WNK2: variants seen among roughly 807,000 people sequenced by gnomAD.
WNK2 encodes the protein serine/threonine-protein kinase WNK2.
In WNK2, 67 loss-of-function variants were observed where a neutral mutation model predicts 192.1. The ratio of observed to expected loss-of-function variants is 0.35; its 90% confidence interval spans 0.29 to 0.43. The LOEUF (loss-of-function observed/expected upper bound fraction) is 0.43. Ranked by LOEUF, WNK2 falls within the 20% of genes least tolerant of loss-of-function variation. The probability of loss-of-function intolerance (pLI) is 1.00; values close to 1 mark genes in which losing one functional copy is unlikely to be tolerated. For missense variants in WNK2, 2,698 were observed against 3,089.7 expected (o/e 0.87, Z 3.01); for synonymous variants, 1,439 against 1,393.9 (o/e 1.03, Z -0.72).
At chr9:93,185,772 G>C (rs1829193517) in intron 2 of WNK2, among the ~76,000 whole-genome samples, 162 bp downstream of exon 2, 1 of 152,232 alleles carries the variant, frequency 6.6e-6, no homozygotes, top group Non-Finnish European at 1.5e-5. Flanking sequence ...TGCATACCAG[G>C]TGTGCGGACG....
chr9:93,259,455 C>T lies in WNK2; in HGVS notation c.2907C>T (p.Pro969=), dbSNP rs375596960. ...CGCTGCCCCCTCAACCTGTGTTGCC[C>T]CCGCAACCCACACGGCCCCCTCAAC... ...QPTLPPQPVL[P]PQPTRPPQPV... Residue 969 remains proline (P), a synonymous_variant, in exon 12 of 30, where the codon CCC becomes CCT. Coordinates refer to ENST00000427277, the MANE Select transcript of WNK2 (RefSeq NM_006648.4). This position sits in a 1 kb window ranked among gnomAD's most constrained non-coding sequence, Gnocchi z 4.8. The T allele has an allele frequency of 2.5e-5, 36 of 1,456,994 alleles. No individual in the cohort carries two copies. Among genetic ancestry groups the T allele is most frequent in the Non-Finnish European group, 3.3e-5 (36 of 1,102,960 alleles). 90.3% of individuals were successfully genotyped at this position (1,456,994 alleles called of 1,614,324 possible). A position where few individuals can be genotyped will look rare whatever the true frequency, so the allele number is the denominator to read the frequency against.
chr9:93,310,501 G>A (rs573266976), intron 28 of WNK2, among the ~76,000 whole-genome samples: 10 of 151,930 alleles, frequency 6.6e-5, no homozygotes, highest in African/African-American at 7.2e-5. Flanking sequence ...ATTTTCAAGC[G>A]TACAGTTCAG....
chr9:93,258,113 C>A (rs1843610379), intron 11 of WNK2, among the ~76,000 whole-genome samples: 1 of 152,248 alleles, frequency 6.6e-6, no homozygotes, highest in African/African-American at 2.4e-5. Flanking sequence ...AAATCGTTAT[C>A]TTGCTCGTTC....
rs759673093 is a variant in WNK2 at position 93,257,149 on chromosome 9, G to A, written c.2382+10G>A. 1 of 1,601,796 alleles carries A rather than the reference G, an allele frequency of 6.2e-7. No individual in the cohort carries two copies. The highest frequency in any genetic ancestry group is 8.5e-7 in the Non-Finnish European group (1 of 1,177,530). Reference sequence around the variant, plus strand: ...TCAAGTCCCTCCGCAGGTAATTCTAGGTTGATGGCTGCCGTCAGTGGTGGC... The same window carrying A: ...TCAAGTCCCTCCGCAGGTAATTCTAAGTTGATGGCTGCCGTCAGTGGTGGC... On this transcript the variant is annotated intron_variant, in intron 11 of 29. Coordinates refer to ENST00000427277, the MANE Select transcript of WNK2 (RefSeq NM_006648.4). This position sits in a 1 kb window ranked among gnomAD's most constrained non-coding sequence, Gnocchi z 4.7.
chr9:93,240,163 T>A (rs549794763), intron 7 of WNK2, among the ~76,000 whole-genome samples, 187 bp downstream of exon 7: 5 of 151,844 alleles, frequency 3.3e-5, no homozygotes, highest in African/African-American at 1.2e-4. Flanking sequence ...CTGCCTAGGG[T>A]CTGCACAGGG....
At chr9:93,209,299 C>T (rs563123971) in intron 2 of WNK2, among the ~76,000 whole-genome samples, 48 of 152,262 alleles carry the variant, frequency 3.2e-4, no homozygotes, top group Non-Finnish European at 5.6e-4. Flanking sequence ...GGCGCAAGGC[C>T]GGGACATTCT....
intron 14 of WNK2, 56 bp from the exon 15 acceptor site, chr9:93,263,510 A>G (rs1044836886): frequency 2.4e-5 from 38 of 1,588,006 alleles, no homozygotes; most frequent in Non-Finnish European, 3.3e-5. Context: ...TTTCCCCGCC[A>G]TTGCCGACGT....
intron 2 of WNK2, among the ~76,000 whole-genome samples, chr9:93,208,322 A>G (rs1439293097): frequency 6.6e-6 from 1 of 152,238 alleles, no homozygotes; most frequent in East Asian, 1.9e-4. Context: ...CAATAGAGGT[A>G]ACACGTTTTT....
chr9:93,234,990 A>T, intron 5 of WNK2, 25 bp downstream of exon 5: 2 of 1,613,430 alleles, frequency 1.2e-6, no homozygotes, highest in Admixed American at 1.7e-5. Flanking sequence ...CCCCTTGGTT[A>T]ATTAATAAGG....
At position 93,292,738 on chromosome 9, in the gene WNK2, C is replaced by A; in HGVS notation, c.5273C>A (p.Thr1758Asn). ...FSVVSTQDEWTLASPHSLRYS... is the reference protein window; with the variant it reads ...FSVVSTQDEWNLASPHSLRYS... Reference sequence around the variant, plus strand: ...GTGGTCAGCACTCAGGACGAGTGGACCCTGGCCTCCCCCCACAGCCTGAGA... The same window carrying A: ...GTGGTCAGCACTCAGGACGAGTGGAACCTGGCCTCCCCCCACAGCCTGAGA... The change falls in exon 23 of 30, where the codon ACC (threonine) becomes AAC (asparagine). Residue 1758 changes from threonine (T) to asparagine (N), a missense_variant. By Grantham distance (65) the Thr-to-Asn change is moderately conservative (BLOSUM62 0). Transcript: ENST00000427277. The A allele has an allele frequency of 6.4e-7, 1 of 1,562,542 alleles. No individual in the cohort carries two copies. Among genetic ancestry groups the A allele is most frequent in the Non-Finnish European group, 8.7e-7 (1 of 1,154,522 alleles).
rs762615300 is a variant in WNK2, at chr9:93,292,779, G to C, written c.5314G>C (p.Asp1772His). 1 of 1,557,902 alleles carries C rather than the reference G, an allele frequency of 6.4e-7. No individual in the cohort carries two copies. The highest frequency in any genetic ancestry group is 1.7e-4 in the Middle Eastern group (1 of 5,952). ...PHSLRYSAPPDVYLDEAPSSP... is the reference protein window; with the variant it reads ...PHSLRYSAPPHVYLDEAPSSP... ...CAGCCTGAGATACTCTGCCCCACCCGACGTCTACCTGGACGAGGCCCCCTC... is the reference window on the plus strand; with the variant it reads ...CAGCCTGAGATACTCTGCCCCACCCCACGTCTACCTGGACGAGGCCCCCTC... The change falls in exon 23 of 30, where the codon GAC becomes CAC. Residue 1772 changes from aspartate to histidine, a missense_variant. Around this residue, in one of 7 missense-constraint regions of WNK2, gnomAD observed 1,098 missense variants for 1,101.0 expected, o/e 1.00. Coordinates refer to ENST00000427277, the MANE Select transcript of WNK2 (RefSeq NM_006648.4).
intron 21 of WNK2, among the ~76,000 whole-genome samples, chr9:93,290,558 G>A (rs141580841): frequency 6.6e-6 from 1 of 152,216 alleles, no homozygotes; most frequent in South Asian, 2.1e-4. Context: ...GTGGGTGCTG[G>A]GATGTTGCAG....
chr9:93,268,886 A>G (rs1326729535), intron 19 of WNK2, 140 bp downstream of exon 19: 9 of 1,570,372 alleles, frequency 5.7e-6, no homozygotes, highest in Non-Finnish European at 6.9e-6. Context: ...GGCGCAGAGC[A>G]GCCTGTGGGG....
In WNK2 at chr9:93,307,948, T is replaced by C. The variant is rs140890548; in HGVS notation, c.6260-380T>C. ...AGAGAGAGCCCGAGGAACCTGACTCTAGGCACCATGACTCCGAAGCCCAGT... is the reference window on the plus strand; with the variant it reads ...AGAGAGAGCCCGAGGAACCTGACTCCAGGCACCATGACTCCGAAGCCCAGT... On this transcript the variant is annotated intron_variant, in intron 27 of 29. Transcript: ENST00000427277. 853 of 246,916 alleles carry C rather than the reference T, an allele frequency of 3.5e-3. 7 individuals are homozygous for C. The highest frequency in any genetic ancestry group is 0.018 in the African/African-American group (792 of 44,304). The allele number at this position is 246,916 out of a possible 1,614,324, so 15.3% of individuals were successfully genotyped here.
intron 24 of WNK2, among the ~76,000 whole-genome samples, chr9:93,298,869 G>T (rs562130668): frequency 6.6e-6 from 1 of 152,328 alleles, no homozygotes; most frequent in South Asian, 2.1e-4. Context: ...GCACGGCAGT[G>T]GGGGCTGGTA....
chr9:93,290,023 C>A lies in WNK2; in HGVS notation c.4912C>A (p.Gln1638Lys). The A allele has an allele frequency of 6.3e-7, 1 of 1,577,118 alleles. No individual in the cohort carries two copies. ...LAPTRGAVMEQGTSSSMTAES... is the reference protein window; with the variant it reads ...LAPTRGAVMEKGTSSSMTAES... ...CCCCACTCGAGGGGCCGTGATGGAG[C>A]AGGGCACGTCCTCGTCAATGACAGG... The change falls in exon 21 of 30, where the codon CAG (glutamine) becomes AAG (lysine). Residue 1638 changes from glutamine to lysine, a missense_variant. Physicochemically the swap from Gln to Lys is moderately conservative, Grantham distance 53 (BLOSUM62 1). This residue lies in a region of WNK2 where 1,098 missense variants were observed against 1,101.0 expected (regional missense o/e 1.00). Coordinates refer to ENST00000427277, the MANE Select transcript of WNK2 (RefSeq NM_006648.4).
intron 19 of WNK2, among the ~76,000 whole-genome samples, chr9:93,271,629 G>A (rs2133319656): frequency 6.6e-6 from 1 of 152,314 alleles, no homozygotes; most frequent in East Asian, 1.9e-4. Flanking sequence ...TGGAAAACAG[G>A]GGAGAAAGAT....
At position 93,308,382 on chromosome 9, in the gene WNK2, T is replaced by C; in HGVS notation, c.6314T>C (p.Leu2105Pro). Residue 2105 changes from leucine (L) to proline (P), a missense_variant, in exon 28 of 30, where the codon CTG (leucine) becomes CCG (proline). Physicochemically the swap from Leu to Pro is moderately conservative, Grantham distance 98. This residue lies in a region of WNK2 where 167 missense variants were observed against 184.2 expected (regional missense o/e 0.91). Coordinates refer to ENST00000427277, the MANE Select transcript of WNK2 (RefSeq NM_006648.4). ...PGPEPGPQPA[L>P]HVQAQVNNSN... ...CCTGAGCCAGGCCCCCAGCCCGCCC[T>C]GCACGTCCAGGCGCAGGTGAACAAC... The C allele has an allele frequency of 1.3e-6, 2 of 1,569,192 alleles. No homozygotes were observed. The highest frequency in any genetic ancestry group is 1.7e-6 in the Non-Finnish European group (2 of 1,157,810).
chr9:93,300,090 A>G lies in WNK2; in HGVS notation c.6155A>G (p.Tyr2052Cys). 6.2e-7 allele frequency: 1 copy of G among 1,613,368 alleles called. No homozygotes were observed. The highest frequency in any genetic ancestry group is 8.5e-7 in the Non-Finnish European group (1 of 1,179,724). ...VYHPTSERVT[Y>C]KSSSKPRARF... ...CACCCAACGTCTGAGAGAGTGACCT[A>G]TAAGTCTAGTAGCAAACCTCGTGCT... The change falls in exon 26 of 30, where the codon TAT (tyrosine) becomes TGT (cysteine). Residue 2052 changes from tyrosine to cysteine, a missense_variant. By Grantham distance (194) the Tyr-to-Cys change is radical (BLOSUM62 -2). Coordinates refer to ENST00000427277, the MANE Select transcript of WNK2 (RefSeq NM_006648.4).
Sources: gnomAD v4.1 joint callset for allele counts (sites outside exome capture counted in the v4.1 genomes callset) on GRCh38, gnomAD v4.1.1 for gene constraint, gnomAD v4.1.1 regional missense constraint, Gnocchi (gnomAD v3.1) non-coding constraint, MANE v1.5 for transcripts, NCBI Gene and HGNC (gene_info 2026-07-23, HGNC 2026-07-21) for gene names.